The following SOX5 variants were observed in gnomAD, a reference collection of about 807,000 sequenced individuals.
SOX5 encodes transcription factor SOX-5.
In SOX5, 9 loss-of-function variants were observed where a neutral mutation model predicts 92.0. That is an observed-to-expected ratio of 0.10 (90% CI 0.06 to 0.17). SOX5 has a LOEUF of 0.17. SOX5 is among the 10% of genes least tolerant of loss of function. The probability of loss-of-function intolerance (pLI) is 1.00; values close to 1 mark genes in which losing one functional copy is unlikely to be tolerated. For missense variants in SOX5, 642 were observed against 944.5 expected, an observed-to-expected ratio of 0.68 and a Z score of 4.20; for synonymous variants, 344 against 336.3, an observed-to-expected ratio of 1.02 and a Z score of -0.25.
intron 4 of SOX5, among the ~76,000 whole-genome samples, chr12:24,018,035 G>T (rs1953859841): frequency 6.6e-6 from 1 of 152,096 alleles, no homozygotes; most frequent in Non-Finnish European, 1.5e-5. Context: ...TCTTCTACCA[G>T]CTCATTCTCC....
In SOX5 at chr12:24,102,085, C is replaced by A. The variant is rs543133570; in HGVS notation, c.-2+111258G>T. 3.9e-5 allele frequency among the ~76,000 whole-genome samples: 6 copies of A among 152,200 alleles called. No individual in the cohort carries two copies. The East Asian group carries it at 1.2e-3, about 29-fold the overall frequency. On this transcript the variant is annotated intron_variant, in intron 4 of 4. Transcript: ENST00000446891. ...TCTCCATTAAATTATCTATTTTTCC[C>A]TTTACTGAATACAGAATTGTTGTTT...
chr12:23,598,031 C>T lies in SOX5; in HGVS notation c.1164+6356G>A, dbSNP rs1278887709. Among the ~76,000 whole-genome samples, 6 of 152,242 alleles carry T rather than the reference C, an allele frequency of 3.9e-5. No homozygotes were observed. The East Asian group carries it at 9.7e-4, about 25-fold the overall frequency. ...GATGCTGATATGTAGAGATAAATGG[C>T]GGCTCCTCTTTTATTAATACTATTT... On this transcript the variant is annotated intron_variant, in intron 9 of 14. Transcript: ENST00000451604.
intron 2 of SOX5, among the ~76,000 whole-genome samples, chr12:24,333,623 GAAGT>G (rs1411627406): frequency 6.6e-6 from 1 of 151,842 alleles, no homozygotes; most frequent in Non-Finnish European, 1.5e-5. Flanking sequence ...ATAAAAAATA[GAAGT>G]ATGTAATTCC....
intron 1 of SOX5, among the ~76,000 whole-genome samples, chr12:24,498,333 C>T (rs1947851928): frequency 6.6e-6 from 1 of 152,072 alleles, no homozygotes; most frequent in South Asian, 2.1e-4. Flanking sequence ...ACTAGCAAAT[C>T]AGTGATAGGA....
chr12:23,823,621 T>G (rs1362532112), intron 3 of SOX5, among the ~76,000 whole-genome samples: 2 of 152,164 alleles, frequency 1.3e-5, no homozygotes, highest in African/African-American at 4.8e-5. Flanking sequence ...AGCAGTATCT[T>G]TGTGGTGTTT....
intron 1 of SOX5, among the ~76,000 whole-genome samples, chr12:23,896,234 T>A (rs2097176342): frequency 6.6e-6 from 1 of 152,142 alleles, no homozygotes; most frequent in Non-Finnish European, 1.5e-5. Flanking sequence ...GTGAGAATAA[T>A]ACACTAATAT....
chr12:24,397,953 C>T (rs768042783), intron 1 of SOX5, among the ~76,000 whole-genome samples: 26 of 152,002 alleles, frequency 1.7e-4, no homozygotes, highest in Non-Finnish European at 3.4e-4. Flanking sequence ...GGGTTCACGC[C>T]ATTCTCCTGC....
intron 1 of SOX5, among the ~76,000 whole-genome samples, chr12:23,916,388 G>T (rs559266443): frequency 1.6e-4 from 24 of 152,214 alleles, no homozygotes; most frequent in African/African-American, 5.8e-4. Context: ...ATTTCTGCAG[G>T]CTATCAGCAA....
intron 3 of SOX5, among the ~76,000 whole-genome samples, chr12:23,795,833 T>C (rs1005155565): frequency 6.6e-6 from 1 of 152,166 alleles, no homozygotes; most frequent in Non-Finnish European, 1.5e-5. Context: ...AAAATTATTG[T>C]AACATCTCTA....
rs553147483 is a variant in SOX5 at position 23,869,122 on chromosome 12, T to C, written c.271-22929A>G. On this transcript the variant is annotated intron_variant, in intron 2 of 14. Transcript: ENST00000451604. The stretch of plus-strand genomic sequence containing the variant: ...GAAGGTTGTTAAAGATTACATGACA[T>C]GATGAATATAAATACTTAACCTAAT... Among the ~76,000 whole-genome samples the C allele has an allele frequency of 2.4e-3, 360 of 152,280 alleles. 1 individual carries two copies. Among genetic ancestry groups the C allele is most frequent in the African/African-American group, 8.3e-3 (346 of 41,578 alleles).
intron 10 of SOX5, among the ~76,000 whole-genome samples, chr12:23,574,969 C>A (rs1948897249): frequency 6.6e-6 from 1 of 152,114 alleles, no homozygotes; most frequent in Non-Finnish European, 1.5e-5. Flanking sequence ...CTTAACTAAA[C>A]CATGAGCTCC....
intron 2 of SOX5, among the ~76,000 whole-genome samples, chr12:24,295,740 A>AT (rs1947139173): frequency 3.4e-5 from 2 of 58,944 alleles, no homozygotes; most frequent in South Asian, 1.7e-3. Flanking sequence ...TAATTTTTGT[A>AT]GTTTTTTTGT....
chr12:23,924,637 C>T (rs1487993039), intron 1 of SOX5, among the ~76,000 whole-genome samples: 1 of 151,868 alleles, frequency 6.6e-6, no homozygotes, highest in Non-Finnish European at 1.5e-5. Flanking sequence ...GTTATCATTC[C>T]TAGAGGATAC....
chr12:24,095,128 CAGAGAG>C (rs764681203), intron 4 of SOX5, among the ~76,000 whole-genome samples: 136 of 90,222 alleles, frequency 1.5e-3, no homozygotes, highest in Non-Finnish European at 2.3e-3. Flanking sequence ...CACACACACA[CAGAGAG>C]AGAGAGAGAG....
At position 23,846,166 on chromosome 12, in the gene SOX5, A is replaced by G; in HGVS notation, c.298T>C (p.Ser100Pro). Residue 100 changes from serine to proline, a missense_variant, in exon 3 of 15, where the codon TCA (serine) becomes CCA (proline). Ser to Pro is a moderately conservative substitution (Grantham distance 74). Transcript: ENST00000451604. ...MEVDGNKVMSSFAPHNSSTSP... is the reference protein window; with the variant it reads ...MEVDGNKVMSPFAPHNSSTSP... ...GTAGATGAGTTGTGTGGGGCAAATGAAGACATAACTTTATTGCCATCAACT... is the reference window on the plus strand; with the variant it reads ...GTAGATGAGTTGTGTGGGGCAAATGGAGACATAACTTTATTGCCATCAACT... 1 of 1,614,104 alleles carries G rather than the reference A, an allele frequency of 6.2e-7. No individual in the cohort carries two copies.
At chr12:23,886,474 C>T (rs1595379311) in intron 2 of SOX5, among the ~76,000 whole-genome samples, 1 of 152,020 alleles carries the variant, frequency 6.6e-6, no homozygotes, top group African/African-American at 2.4e-5. Flanking sequence ...AAATGAGTTA[C>T]CACGTCTTAC....
chr12:23,687,788 C>A (rs919455108), intron 6 of SOX5, among the ~76,000 whole-genome samples: 1 of 151,880 alleles, frequency 6.6e-6, no homozygotes, highest in Non-Finnish European at 1.5e-5. Context: ...CAGCTGCATA[C>A]CACATATGAC....
chr12:24,128,650 T>C (rs1411763982), intron 4 of SOX5, among the ~76,000 whole-genome samples: 2 of 152,156 alleles, frequency 1.3e-5, no homozygotes, highest in African/African-American at 4.8e-5. Flanking sequence ...TTCGGCATGT[T>C]CTCAAAATGG....
In SOX5 at chr12:24,311,130, G is replaced by A. The variant is rs78188333; in HGVS notation, c.-173-33818C>T. ...TTCCAGACGGTCCTGCCCCATGGGG[G>A]GCCAGGAGGTAGAGGTGGGGAATAT... is the stretch of plus-strand genomic sequence containing the variant. On this transcript the variant is annotated intron_variant, in intron 2 of 4. Coordinates refer to the SOX5 transcript ENST00000446891. Among the ~76,000 whole-genome samples the A allele has an allele frequency of 9.4e-3, 1,435 of 152,234 alleles. 15 individuals are homozygous for A. The highest frequency in any genetic ancestry group is 0.016 in the Non-Finnish European group (1,058 of 68,016).
Sources: gnomAD v4.1 joint callset for allele counts (sites outside exome capture counted in the v4.1 genomes callset) on GRCh38, gnomAD v4.1.1 for gene constraint, MANE v1.5 for transcripts, NCBI Gene and HGNC (gene_info 2026-07-23, HGNC 2026-07-21) for gene names.